NELL1: variants seen among roughly 807,000 people sequenced by gnomAD.
NELL1 encodes the protein protein kinase C-binding protein NELL1.
Under a neutral mutation model 107.4 loss-of-function variants are expected in NELL1, and 76 were observed. The observed-to-expected ratio is 0.71, with a 90% CI of 0.59 to 0.86. The LOEUF (loss-of-function observed/expected upper bound fraction) is 0.86, where lower values mean the gene tolerates loss of function less well. Ranked by LOEUF, NELL1 falls within the 40% of genes least tolerant of loss-of-function variation. The pLI is 0.00. For missense variants in NELL1, 1,024 were observed against 1,005.5 expected (o/e 1.02, Z -0.25); for synonymous variants, 353 against 341.2 (o/e 1.03, Z -0.38).
intron 9 of NELL1, among the ~76,000 whole-genome samples, chr11:20,934,615 A>G (rs540128582): frequency 6.6e-6 from 1 of 152,232 alleles, no homozygotes; most frequent in African/African-American, 2.4e-5. Flanking sequence ...GCAAAGGAAG[A>G]AAAAATGTCT....
chr11:20,955,404 A>T (rs1047305280), intron 11 of NELL1, among the ~76,000 whole-genome samples: 10 of 152,248 alleles, frequency 6.6e-5, no homozygotes, highest in Admixed American at 1.3e-4. Flanking sequence ...GCTATCTGAG[A>T]GGATATATGA....
chr11:20,956,960 G>A (rs930713518), intron 11 of NELL1, among the ~76,000 whole-genome samples: 2 of 151,952 alleles, frequency 1.3e-5, no homozygotes, highest in Admixed American at 1.3e-4. Flanking sequence ...CAACTTTCTG[G>A]AACATTTGGT....
intron 7 of NELL1, among the ~76,000 whole-genome samples, chr11:20,920,974 T>C (rs759383412): frequency 3.9e-5 from 6 of 152,100 alleles, no homozygotes; most frequent in Non-Finnish European, 8.8e-5. Context: ...GAATTACAAT[T>C]TGAAAACTGA....
chr11:21,406,189 G>A (rs1852231157), intron 15 of NELL1, among the ~76,000 whole-genome samples: 1 of 151,970 alleles, frequency 6.6e-6, no homozygotes, highest in African/African-American at 2.4e-5. Context: ...TTAGTTCCTA[G>A]GCAGATTAGC....
intron 3 of NELL1, among the ~76,000 whole-genome samples, chr11:20,823,458 G>A (rs1333059778): frequency 6.6e-6 from 1 of 151,068 alleles, no homozygotes; most frequent in Non-Finnish European, 1.5e-5. Flanking sequence ...TCTGGAAGGG[G>A]CAGCAGCAGT....
chr11:21,193,243 G>A (rs752215663), intron 13 of NELL1, among the ~76,000 whole-genome samples: 3 of 151,722 alleles, frequency 2.0e-5, no homozygotes, highest in African/African-American at 2.4e-5. Context: ...GGTTCCTGTC[G>A]AAGAGGTTGG....
intron 2 of NELL1, among the ~76,000 whole-genome samples, chr11:20,751,068 T>C (rs1459215446): frequency 6.6e-6 from 1 of 152,164 alleles, no homozygotes; most frequent in African/African-American, 2.4e-5. Context: ...TATATGAATC[T>C]ATTTCTATTC....
intron 12 of NELL1, among the ~76,000 whole-genome samples, chr11:21,060,058 T>C (rs1455269599): frequency 6.6e-6 from 1 of 152,184 alleles, no homozygotes; most frequent in Non-Finnish European, 1.5e-5. Context: ...CACATGGGGT[T>C]AGGCACATTA....
At chr11:21,535,640 C>G (rs1384551178) in intron 16 of NELL1, among the ~76,000 whole-genome samples, 2 of 152,146 alleles carry the variant, frequency 1.3e-5, no homozygotes, top group Admixed American at 6.5e-5. Context: ...AATTCTAGCT[C>G]TGCTGCTTCT....
chr11:21,342,513 A>T (rs1025574227), intron 14 of NELL1, among the ~76,000 whole-genome samples: 1 of 151,570 alleles, frequency 6.6e-6, no homozygotes, highest in African/African-American at 2.4e-5. Context: ...GCATGGTGGC[A>T]TGTGCCTGTA....
At chr11:21,210,330 A>G (rs1391645388) in intron 13 of NELL1, among the ~76,000 whole-genome samples, 1 of 152,134 alleles carries the variant, frequency 6.6e-6, no homozygotes, top group Non-Finnish European at 1.5e-5. Flanking sequence ...AGAGACAGAA[A>G]TATTTTACAC....
At chr11:21,310,694 T>C (rs1849731033) in intron 14 of NELL1, among the ~76,000 whole-genome samples, 1 of 151,962 alleles carries the variant, frequency 6.6e-6, no homozygotes, top group African/African-American at 2.4e-5. Context: ...CAGGATGCGA[T>C]TTGGAAAGAT....
rs113151789 is a variant in NELL1 at position 21,232,070 on chromosome 11, G to A, written c.1549+2616G>A. On this transcript the variant is annotated intron_variant, in intron 14 of 19. Coordinates refer to ENST00000357134, the MANE Select transcript of NELL1 (RefSeq NM_006157.5). ...TCCCAGCACTTTGGGAGGCTGCGGC[G>A]GGTGGATCACCTGAGGGTCAGGAGT... 3.5e-4 allele frequency among the ~76,000 whole-genome samples: 52 copies of A among 150,408 alleles called. No individual in the cohort carries two copies. In the South Asian group the frequency reaches 8.0e-3, roughly 23 times the overall value.
intron 2 of NELL1, among the ~76,000 whole-genome samples, chr11:20,765,626 G>A (rs763658015): frequency 1.6e-4 from 24 of 152,206 alleles, no homozygotes; most frequent in African/African-American, 2.9e-4. Flanking sequence ...TGGCCTGACC[G>A]GAGACCCTAA....
intron 4 of NELL1, among the ~76,000 whole-genome samples, chr11:20,859,782 G>A: frequency 7.4e-6 from 1 of 135,416 alleles, no homozygotes; most frequent in South Asian, 2.9e-4. Context: ...ACTAGAGCCT[G>A]CAGGAACTAA....
intron 15 of NELL1, among the ~76,000 whole-genome samples, chr11:21,458,372 C>A (rs1329149574): frequency 6.6e-6 from 1 of 151,960 alleles, no homozygotes; most frequent in East Asian, 1.9e-4. Flanking sequence ...TAGAATTCCA[C>A]CCTGTAGATA....
At chr11:20,946,194 ACTCAGT>A (rs1850959047) in intron 10 of NELL1, among the ~76,000 whole-genome samples, 1 of 152,020 alleles carries the variant, frequency 6.6e-6, no homozygotes, top group South Asian at 2.1e-4. Context: ...AAGACGGAAA[ACTCAGT>A]CTCTCCTGCA....
At chr11:21,083,691 C>T (rs1313863768) in intron 12 of NELL1, among the ~76,000 whole-genome samples, 1 of 152,050 alleles carries the variant, frequency 6.6e-6, no homozygotes, top group African/African-American at 2.4e-5. Context: ...ATGTATATGT[C>T]CCTGTCAGCT....
At chr11:21,234,923 A>C (rs1192350112) in intron 14 of NELL1, among the ~76,000 whole-genome samples, 1 of 152,196 alleles carries the variant, frequency 6.6e-6, no homozygotes, top group Non-Finnish European at 1.5e-5. Flanking sequence ...AGGGAGAGGG[A>C]GAGGGAGAAT....
Sources: gnomAD v4.1 joint callset for allele counts (sites outside exome capture counted in the v4.1 genomes callset) on GRCh38, gnomAD v4.1.1 for gene constraint, MANE v1.5 for transcripts, NCBI Gene and HGNC (gene_info 2026-07-23, HGNC 2026-07-21) for gene names.